HEATR5A: variants seen among roughly 807,000 people sequenced by gnomAD.
HEATR5A encodes the protein HEAT repeat containing 5A, also known as HEAT repeat-containing protein 5A.
HEATR5A carries 178 observed loss-of-function variants against 218.8 expected under a neutral mutation model. That is an observed-to-expected ratio of 0.81 (90% CI 0.72 to 0.92). The LOEUF is 0.92. Ranked by LOEUF, HEATR5A falls within the 40% of genes least tolerant of loss-of-function variation. The pLI is 0.00. For synonymous variants in HEATR5A, 864 were observed against 871.6 expected, an observed-to-expected ratio of 0.99 and a Z score of 0.15; for missense variants, 2,420 against 2,418.9, an observed-to-expected ratio of 1.00 and a Z score of -0.01.
At chr14:31,376,198 A>G (rs984408765) in intron 11 of HEATR5A, among the ~76,000 whole-genome samples, 1 of 152,166 alleles carries the variant, frequency 6.6e-6, no homozygotes, top group African/African-American at 2.4e-5. Flanking sequence ...ACAGTTTCTG[A>G]GGCGTATATG....
chr14:31,340,434 A>G, intron 21 of HEATR5A: 1 of 1,286,720 alleles, frequency 7.8e-7, no homozygotes, highest in Non-Finnish European at 1.0e-6. Context: ...TTAGGAATCA[A>G]GGGTCAGGGA....
At chr14:31,400,844 G>GT (rs11338934) in intron 2 of HEATR5A, among the ~76,000 whole-genome samples, 4 of 138,008 alleles carry the variant, frequency 2.9e-5, no homozygotes, top group African/African-American at 5.3e-5. Flanking sequence ...TATTATTATT[G>GT]TTTTTTTTTT....
intron 24 of HEATR5A, among the ~76,000 whole-genome samples, chr14:31,322,543 G>A (rs1900140145): frequency 1.3e-5 from 2 of 152,190 alleles, no homozygotes; most frequent in Admixed American, 1.3e-4. Flanking sequence ...CTGTGGACAG[G>A]TGTGGTGGCT....
Position 31,323,598 on chromosome 14 carries a change from A to C in HEATR5A, c.3754T>G (p.Leu1252Val), listed in dbSNP as rs750829029. ...NANSAHFDIA[L>V]AQEMKKRDSR... is the part of the protein sequence containing the mutation. ...TCTCTTTTTTTCATTTCTTGTGCTAAAGCAATGTCAAAATGTGCACTGTTA... is the reference window on the plus strand; with the variant it reads ...TCTCTTTTTTTCATTTCTTGTGCTACAGCAATGTCAAAATGTGCACTGTTA... The change falls in exon 24 of 36, where the codon TTA becomes GTA. Residue 1252 changes from leucine (L) to valine (V), a missense_variant. Transcript: ENST00000543095. The C allele has an allele frequency of 7.4e-6, 12 of 1,611,368 alleles. No individual in the cohort carries two copies. The East Asian group carries it at 2.7e-4, about 36-fold the overall frequency.
rs761999936 is a variant in HEATR5A, at chr14:31,374,799, G to A, written c.1861+17C>T. On this transcript the variant is annotated intron_variant, in intron 12 of 35. Transcript: ENST00000543095. Reference sequence around the variant, plus strand: ...AAAGCCAAAGGAAAGGGAGAGAAAAGACTAAATCCAACCTACCACACAGTG... The same window carrying A: ...AAAGCCAAAGGAAAGGGAGAGAAAAAACTAAATCCAACCTACCACACAGTG... 1 of 1,596,444 alleles carries A rather than the reference G, an allele frequency of 6.3e-7. No individual in the cohort carries two copies. Among genetic ancestry groups the A allele is most frequent in the South Asian group, 1.1e-5 (1 of 87,834 alleles).
At chr14:31,373,876 G>T (rs1308279035) in intron 12 of HEATR5A, among the ~76,000 whole-genome samples, 1 of 152,072 alleles carries the variant, frequency 6.6e-6, no homozygotes, top group Non-Finnish European at 1.5e-5. Flanking sequence ...AGATGATGAG[G>T]ATGAAGACCT....
Position 31,374,853 on chromosome 14 carries a change from C to T in HEATR5A, c.1824G>A (p.Trp608Ter). Residue 608 changes from tryptophan (W) to a stop codon, truncating the protein, a stop_gained, in exon 12 of 36, where the codon TGG (tryptophan) becomes TGA (stop). Transcript: ENST00000543095. LOFTEE classifies it high-confidence loss of function. ...TEKSRGDSFT[W>*]QVTLEGRAGA... ...CAGCTCGTCCTTCCAGGGTCACCTGCCATGTAAACGAATCTCCTCGGCTCT... is the reference window on the plus strand; with the variant it reads ...CAGCTCGTCCTTCCAGGGTCACCTGTCATGTAAACGAATCTCCTCGGCTCT... 1 of 1,613,714 alleles carries T rather than the reference C, an allele frequency of 6.2e-7. No homozygotes were observed. The highest frequency in any genetic ancestry group is 8.5e-7 in the Non-Finnish European group (1 of 1,179,782).
intron 22 of HEATR5A, among the ~76,000 whole-genome samples, chr14:31,331,032 C>T (rs1361675643): frequency 2.7e-5 from 4 of 149,360 alleles, no homozygotes; most frequent in South Asian, 2.2e-4. Context: ...GCCTCTGCCT[C>T]CTGGGTTCAA....
chr14:31,374,969 C>A lies in HEATR5A; in HGVS notation c.1709-1G>T, dbSNP rs1272039041. The A allele has an allele frequency of 1.3e-6, 2 of 1,597,198 alleles. No individual in the cohort carries two copies. The highest frequency in any genetic ancestry group is 1.7e-6 in the Non-Finnish European group (2 of 1,172,752). On this transcript the variant is annotated splice_acceptor_variant, in intron 11 of 35. Coordinates refer to ENST00000543095, the MANE Select transcript of HEATR5A (RefSeq NM_015473.4). LOFTEE classifies it high-confidence loss of function. ...AGGTGATGGCTAACAACTGCAGGAC[C>A]TGTAATTTATTCAACTTGTCACTTG...
At position 31,358,730 on chromosome 14, in the gene HEATR5A, G is replaced by C. The variant is rs745893112; in HGVS notation, c.2318C>G (p.Ser773Ter). The C allele has an allele frequency of 6.2e-7, 1 of 1,613,822 alleles. No homozygotes were observed. Among genetic ancestry groups the C allele is most frequent in the Non-Finnish European group, 8.5e-7 (1 of 1,179,780 alleles). Residue 773 changes from serine to a stop codon, truncating the protein, a stop_gained, in exon 16 of 36, where the codon TCA becomes TGA. Coordinates refer to ENST00000543095, the MANE Select transcript of HEATR5A (RefSeq NM_015473.4). LOFTEE classifies it high-confidence loss of function. The stretch of plus-strand genomic sequence containing the variant: ...TGCTGGAGGTAAGGGCTTAGGCACT[G>C]AATCTCCCTCTACATCTTTCTCATA... ...SIYEKDVEGD[S>*]VPKPLPPALS...
chr14:31,299,025 C>T (rs10143519), intron 33 of HEATR5A, among the ~76,000 whole-genome samples: 8,180 of 152,136 alleles, frequency 0.054, 358 homozygotes, highest in East Asian at 0.16. Context: ...TATGTAATTA[C>T]GTTATCTTCT....
intron 12 of HEATR5A, among the ~76,000 whole-genome samples, chr14:31,373,833 T>C (rs1039356584): frequency 1.3e-5 from 2 of 152,198 alleles, no homozygotes; most frequent in South Asian, 2.1e-4. Flanking sequence ...GTGAGAGAAG[T>C]AGATCAACCC....
intron 23 of HEATR5A, among the ~76,000 whole-genome samples, chr14:31,324,673 C>A (rs190677075): frequency 2.1e-4 from 27 of 129,280 alleles, no homozygotes; most frequent in African/African-American, 6.8e-4. Flanking sequence ...TCTATGCACA[C>A]ATGTATTTTC....
At chr14:31,309,840 C>T (rs374833025) in intron 28 of HEATR5A, among the ~76,000 whole-genome samples, 35 of 151,872 alleles carry the variant, frequency 2.3e-4, no homozygotes, top group African/African-American at 8.5e-4. Flanking sequence ...GTAGCTGGGA[C>T]CACAGGTGTG....
chr14:31,358,400 T>A (rs558295682), intron 16 of HEATR5A, among the ~76,000 whole-genome samples: 2 of 152,332 alleles, frequency 1.3e-5, no homozygotes, highest in Non-Finnish European at 2.9e-5. Context: ...TTCATTTGTA[T>A]TTTCAGCTAG....
At position 31,402,831 on chromosome 14, in the gene HEATR5A, ATGT is replaced by A. The variant is rs2030929715; in HGVS notation, c.126+16_126+18del. 3 of 1,535,888 alleles carry A rather than the reference ATGT, an allele frequency of 2.0e-6. No individual in the cohort carries two copies. Among genetic ancestry groups the A allele is most frequent in the Non-Finnish European group, 1.7e-6 (2 of 1,146,582 alleles). On this transcript the variant is annotated intron_variant, in intron 2 of 35. Transcript: ENST00000543095. ...CATGGGCACTTAAACAAAAAAACAG[ATGT>A]TGTCATTTTACCCACCCTGCTGGTT...
intron 22 of HEATR5A, among the ~76,000 whole-genome samples, chr14:31,333,542 C>G (rs530060522): frequency 1.3e-5 from 2 of 152,136 alleles, no homozygotes; most frequent in Non-Finnish European, 2.9e-5. Flanking sequence ...GAGAGCCCAG[C>G]CTAAAACAAC....
At chr14:31,372,737 G>A (rs1902083182) in intron 12 of HEATR5A, among the ~76,000 whole-genome samples, 1 of 152,162 alleles carries the variant, frequency 6.6e-6, no homozygotes, top group Non-Finnish European at 1.5e-5. Flanking sequence ...TGAGACAGGA[G>A]AATCACTTGA....
intron 1 of HEATR5A, among the ~76,000 whole-genome samples, chr14:31,410,701 C>T (rs190750863): frequency 6.6e-6 from 1 of 152,276 alleles, no homozygotes; most frequent in Admixed American, 6.5e-5. Context: ...AGTTCTTTAA[C>T]ACAGTTAAAA....
Sources: gnomAD v4.1 joint callset for allele counts (sites outside exome capture counted in the v4.1 genomes callset) on GRCh38, gnomAD v4.1.1 for gene constraint, MANE v1.5 for transcripts, NCBI Gene and HGNC (gene_info 2026-07-23, HGNC 2026-07-21) for gene names.